The following TRAPPC3L variants were observed in gnomAD, a reference collection of about 807,000 sequenced individuals.
TRAPPC3L encodes the protein trafficking protein particle complex subunit 3L.
A neutral mutation model predicts 23.7 loss-of-function variants in TRAPPC3L; 23 were observed. The observed-to-expected ratio is 0.97, with a 90% CI of 0.70 to 1.37. TRAPPC3L has a LOEUF of 1.37. TRAPPC3L is among the 40% of genes most tolerant of loss of function. The probability of loss-of-function intolerance (pLI) is 0.00; values close to 1 mark genes in which losing one functional copy is unlikely to be tolerated. For synonymous variants in TRAPPC3L, 81 were observed against 77.9 expected, an observed-to-expected ratio of 1.04 and a Z score of -0.21; for missense variants, 212 against 216.8, an observed-to-expected ratio of 0.98 and a Z score of 0.14.
At chr6:116,542,298 C>CA (rs548026128) in intron 2 of TRAPPC3L, among the ~76,000 whole-genome samples, 13 of 149,458 alleles carry the variant, frequency 8.7e-5, no homozygotes, top group Non-Finnish European at 1.5e-4. Context: ...GTAGAAATTC[C>CA]AAAAAAAAGT....
At chr6:116,523,978 A>G (rs1482352452) in intron 3 of TRAPPC3L, 2 of 152,228 alleles carry the variant, frequency 1.3e-5, no homozygotes, top group Non-Finnish European at 2.9e-5. Flanking sequence ...ACCAACTGTA[A>G]CAAGATATCT....
intron 3 of TRAPPC3L, chr6:116,522,753 GAT>G (rs1377236188): frequency 6.6e-6 from 1 of 152,150 alleles, no homozygotes; most frequent in Admixed American, 6.5e-5. Context: ...GCTGGAAAGA[GAT>G]TGTTCTTCTA....
At position 116,495,451 on chromosome 6, in the gene TRAPPC3L, ATCG is replaced by A. The variant is rs1771820597; in HGVS notation, c.*1500_*1502del. 6.6e-6 allele frequency: 1 copy of A among 152,130 alleles called. No homozygotes were observed. The highest frequency in any genetic ancestry group is 1.5e-5 in the Non-Finnish European group (1 of 68,022). The allele number at this position is 152,130 out of a possible 1,614,324, so 9.4% of individuals were successfully genotyped here. On this transcript the variant is annotated 3_prime_UTR_variant, in exon 5 of 5. Transcript: ENST00000368602. ...CTTAGATTTCTTCCAAATCTTAGCTATCGTCAGTAGTTCTGCAGTAAACATGGG... is the reference window on the plus strand; with the variant it reads ...CTTAGATTTCTTCCAAATCTTAGCTATCAGTAGTTCTGCAGTAAACATGGG...
rs1772236253 is a variant in TRAPPC3L at position 116,516,714 on chromosome 6, C to CAT, written c.241-16049_241-16048insAT. On this transcript the variant is annotated intron_variant, in intron 3 of 4. Transcript: ENST00000368602. ...ATATATATATATATATATATACACA[C>CAT]ACACAGAAATATATATTTATAACTG... The CAT allele has an allele frequency of 2.4e-5, 3 of 122,808 alleles. No homozygotes were observed. The South Asian group carries it at 7.6e-4, about 31-fold the overall frequency. The allele number at this position is 122,808 out of a possible 1,614,324, so 7.6% of individuals were successfully genotyped here. A position where few individuals can be genotyped will look rare whatever the true frequency, so the allele number is the denominator to read the frequency against.
chr6:116,515,017 C>G (rs1772195312), intron 3 of TRAPPC3L, among the ~76,000 whole-genome samples: 1 of 152,226 alleles, frequency 6.6e-6, no homozygotes, highest in African/African-American at 2.4e-5. Flanking sequence ...TTTGTTTTTT[C>G]TAATTACCAA....
chr6:116,509,420 G>A (rs1772066847), intron 3 of TRAPPC3L, among the ~76,000 whole-genome samples: 1 of 152,036 alleles, frequency 6.6e-6, no homozygotes, highest in South Asian at 2.1e-4. Context: ...AAATCTGGAG[G>A]CATCACATTA....
chr6:116,536,269 A>T (rs1189735036), intron 3 of TRAPPC3L, among the ~76,000 whole-genome samples: 4 of 152,182 alleles, frequency 2.6e-5, no homozygotes, highest in Admixed American at 2.6e-4. Flanking sequence ...GGTCAACTAA[A>T]GATTTTTGCC....
intron 4 of TRAPPC3L, among the ~76,000 whole-genome samples, chr6:116,499,775 A>G (rs554265761): frequency 1.3e-5 from 2 of 152,334 alleles, no homozygotes; most frequent in South Asian, 2.1e-4. Flanking sequence ...TAGGAAGTCT[A>G]CAAGTTTTTC....
intron 2 of TRAPPC3L, among the ~76,000 whole-genome samples, chr6:116,541,096 C>G (rs1008167800): frequency 3.3e-5 from 5 of 151,940 alleles, no homozygotes; most frequent in African/African-American, 1.2e-4. Context: ...TATCTCCACC[C>G]CGAGAAAATA....
intron 3 of TRAPPC3L, among the ~76,000 whole-genome samples, chr6:116,533,322 GTATT>G: frequency 6.6e-6 from 1 of 152,304 alleles, no homozygotes. Context: ...AAATTTCACA[GTATT>G]TAACAAAAAG....
intron 1 of TRAPPC3L, among the ~76,000 whole-genome samples, 169 bp from the exon 2 acceptor site, chr6:116,543,569 C>T (rs977717672): frequency 6.6e-6 from 1 of 152,078 alleles, no homozygotes; most frequent in Admixed American, 6.6e-5. Context: ...ATTATATTCA[C>T]ATTTGGATAC....
Position 116,495,116 on chromosome 6 carries a change from TTCTA to T in TRAPPC3L, c.*1834_*1837del, listed in dbSNP as rs1162826896. 2 of 150,258 alleles carry T rather than the reference TTCTA, an allele frequency of 1.3e-5. No individual in the cohort carries two copies. Among genetic ancestry groups the T allele is most frequent in the Admixed American group, 6.7e-5 (1 of 14,994 alleles). The allele number at this position is 150,258 out of a possible 1,614,324, so 9.3% of individuals were successfully genotyped here. ...CCATGCCCGACCCAGATCTTATTCATTCTATCTAACTATATTTTTGTACCCATTA... is the reference window on the plus strand; with the variant it reads ...CCATGCCCGACCCAGATCTTATTCATTCTAACTATATTTTTGTACCCATTA... On this transcript the variant is annotated 3_prime_UTR_variant, in exon 5 of 5. Coordinates refer to ENST00000368602, the MANE Select transcript of TRAPPC3L (RefSeq NM_001139444.3).
rs1462361573 is a variant in TRAPPC3L at position 116,545,572 on chromosome 6, G to A, written c.-58C>T. On this transcript the variant is annotated 5_prime_UTR_variant, in exon 1 of 5. Coordinates refer to ENST00000368602, the MANE Select transcript of TRAPPC3L (RefSeq NM_001139444.3). ...TTTCTCTTCTTTTGCCTGTTTCTTA[G>A]AGGTGTATCAGTCCATGTCTTTTTG... The A allele has an allele frequency of 4.8e-6, 7 of 1,462,938 alleles. No homozygotes were observed. The highest frequency in any genetic ancestry group is 2.1e-5 in the Admixed American group (1 of 48,740). 90.6% of individuals were successfully genotyped at this position (1,462,938 alleles called of 1,614,324 possible).
intron 3 of TRAPPC3L, among the ~76,000 whole-genome samples, chr6:116,537,221 T>C (rs1307269977): frequency 6.6e-6 from 1 of 152,202 alleles, no homozygotes; most frequent in Non-Finnish European, 1.5e-5. Flanking sequence ...AGTGGATCTT[T>C]TTCCTGTTCA....
At chr6:116,508,194 C>A (rs1050528129) in intron 3 of TRAPPC3L, among the ~76,000 whole-genome samples, 4 of 152,168 alleles carry the variant, frequency 2.6e-5, no homozygotes, top group African/African-American at 9.7e-5. Context: ...ACAGAAATTT[C>A]TTGAGCACTG....
intron 1 of TRAPPC3L, 54 bp downstream of exon 1, chr6:116,545,419 T>C (rs768148839): frequency 2.6e-5 from 38 of 1,457,314 alleles, no homozygotes; most frequent in Non-Finnish European, 3.3e-5. Flanking sequence ...CAGAAATCAC[T>C]CAAGAAAACA....
chr6:116,545,596 T>C lies in TRAPPC3L; in HGVS notation c.-82A>G. 7.5e-7 allele frequency: 1 copy of C among 1,332,700 alleles called. No individual in the cohort carries two copies. The highest frequency in any genetic ancestry group is 1.4e-5 in the South Asian group (1 of 71,796). 82.6% of individuals were successfully genotyped at this position (1,332,700 alleles called of 1,614,324 possible). A position where few individuals can be genotyped will look rare whatever the true frequency, so the allele number is the denominator to read the frequency against. ...AGAGGTGTATCAGTCCATGTCTTTT[T>C]GTTTTGTTTTTGTAAGCTCTTCCTC... On this transcript the variant is annotated 5_prime_UTR_variant, in exon 1 of 5. Transcript: ENST00000368602.
intron 3 of TRAPPC3L, chr6:116,523,548 C>T (rs1772384654): frequency 6.6e-6 from 1 of 152,020 alleles, no homozygotes; most frequent in Non-Finnish European, 1.5e-5. Context: ...TGGATCTAGA[C>T]AATAAATAAT....
chr6:116,522,088 G>A (rs1421809314), intron 3 of TRAPPC3L: 1 of 152,216 alleles, frequency 6.6e-6, no homozygotes, highest in African/African-American at 2.4e-5. Flanking sequence ...TAGCTTAGGG[G>A]TCAGGCATGT....
Sources: gnomAD v4.1 joint callset for allele counts (sites outside exome capture counted in the v4.1 genomes callset) on GRCh38, gnomAD v4.1.1 for gene constraint, MANE v1.5 for transcripts, NCBI Gene and HGNC (gene_info 2026-07-23, HGNC 2026-07-21) for gene names.